SP140: variants seen among roughly 807,000 people sequenced by gnomAD.
The protein encoded by SP140 is SP140 nuclear body protein.
SP140 carries 81 observed loss-of-function variants against 125.0 expected under a neutral mutation model. That is an observed-to-expected ratio of 0.65 (90% CI 0.54 to 0.78). The LOEUF is 0.78. Among genes scored for constraint, SP140 ranks in the 30% least tolerant of loss-of-function variants. SP140 has a pLI of 0.00. For synonymous variants in SP140, 312 were observed against 354.0 expected, an observed-to-expected ratio of 0.88 and a Z score of 1.33; for missense variants, 858 against 1,037.0, an observed-to-expected ratio of 0.83 and a Z score of 2.37.
chr2:230,269,391 A>T (rs543328117), intron 12 of SP140, 141 bp from the exon 13 acceptor site: 1 of 633,946 alleles, frequency 1.6e-6, no homozygotes, highest in African/African-American at 1.8e-5. Context: ...GTCAAATGTG[A>T]TTATTGGAGC....
At chr2:230,291,792 G>A (rs757183686) in intron 19 of SP140, among the ~76,000 whole-genome samples, 2 of 152,132 alleles carry the variant, frequency 1.3e-5, no homozygotes, top group African/African-American at 2.4e-5. Context: ...TGACTACATC[G>A]TATGGTAATT....
At chr2:230,245,155 C>G (rs1251057186) in intron 6 of SP140, 75 bp downstream of exon 6, 2 of 920,726 alleles carry the variant, frequency 2.2e-6, no homozygotes, top group African/African-American at 3.2e-5. Context: ...ACTTCCTTCT[C>G]TCTCCACCAC....
chr2:230,284,320 T>C (rs1356346082), intron 15 of SP140, 26 bp from the exon 16 acceptor site: 1 of 1,580,920 alleles, frequency 6.3e-7, no homozygotes. Flanking sequence ...CTCTGCATAA[T>C]TAACTTTATT....
chr2:230,244,623 A>G (rs1029939375), intron 5 of SP140, among the ~76,000 whole-genome samples: 1 of 152,188 alleles, frequency 6.6e-6, no homozygotes, highest in African/African-American at 2.4e-5. Context: ...GTGGGATGCA[A>G]GAAATCCAGA....
chr2:230,203,181 C>A (rs2043354896), exon 1 of SP140: 1 of 191,234 alleles, frequency 5.2e-6, no homozygotes, highest in Non-Finnish European at 1.1e-5. Flanking sequence ...ATTAAAAAAA[C>A]TGAGAGGGAA....
downstream of SP140, among the ~76,000 whole-genome samples, chr2:230,314,039 C>A (rs946835778): frequency 2.2e-4 from 34 of 152,096 alleles, no homozygotes; most frequent in Non-Finnish European, 4.6e-4. Context: ...GCAAGGAATG[C>A]CTATTACAGG....
intron 1 of SP140, among the ~76,000 whole-genome samples, chr2:230,208,574 T>C (rs2044130888): frequency 6.6e-6 from 1 of 152,158 alleles, no homozygotes; most frequent in African/African-American, 2.4e-5. Context: ...TGATATCTCC[T>C]TATGGTGCAG....
intron 22 of SP140, among the ~76,000 whole-genome samples, chr2:230,307,244 G>A (rs751659584): frequency 1.6e-4 from 24 of 152,304 alleles, no homozygotes; most frequent in East Asian, 3.9e-4. Context: ...TCTACTGCTC[G>A]GTAAAGCTCC....
At chr2:230,300,700 G>A in intron 22 of SP140, among the ~76,000 whole-genome samples, 1 of 152,168 alleles carries the variant, frequency 6.6e-6, no homozygotes, top group East Asian at 1.9e-4. Context: ...ACCCAAGTGA[G>A]AAGGAACCAG....
chr2:230,238,501 CA>C (rs2048285081), intron 3 of SP140, 120 bp downstream of exon 3: 1 of 984,350 alleles, frequency 1.0e-6, no homozygotes, highest in Non-Finnish European at 1.5e-6. Flanking sequence ...ATGCCAAGCC[CA>C]GGGGGAATAT....
At chr2:230,256,668 TAATAAAAAA>T (rs2051266621) in intron 12 of SP140, among the ~76,000 whole-genome samples, 1 of 152,136 alleles carries the variant, frequency 6.6e-6, no homozygotes, top group Admixed American at 6.5e-5. Context: ...ACTTAAAGTA[TAATAAAAAA>T]AATTTCTATT....
At chr2:230,315,642 G>A (rs768555485), downstream of SP140, among the ~76,000 whole-genome samples, 8 of 152,070 alleles carry the variant, frequency 5.3e-5, no homozygotes, top group Non-Finnish European at 1.0e-4. Flanking sequence ...ACTGTCTTAG[G>A]GAAGGCCAAG....
chr2:230,201,735 CTA>C (rs1318519628), upstream of SP140, among the ~76,000 whole-genome samples: 1 of 152,132 alleles, frequency 6.6e-6, no homozygotes, highest in Non-Finnish European at 1.5e-5. Context: ...AACAGCTGTA[CTA>C]TTATAAAATC....
intron 18 of SP140, among the ~76,000 whole-genome samples, chr2:230,288,720 T>C (rs2149468347): frequency 6.6e-6 from 1 of 152,214 alleles, no homozygotes; most frequent in South Asian, 2.1e-4. Context: ...GCATGTGATG[T>C]TTGGTTTTCT....
At chr2:230,242,220 G>T (rs10202244) in intron 4 of SP140, among the ~76,000 whole-genome samples, 20,234 of 151,894 alleles carry the variant, frequency 0.13, 1,501 homozygotes, top group Middle Eastern at 0.22. Context: ...AAAGTAGAGA[G>T]GTACAGAGGC....
At chr2:230,314,388 C>T (rs901653829), downstream of SP140, among the ~76,000 whole-genome samples, 7 of 152,184 alleles carry the variant, frequency 4.6e-5, no homozygotes, top group East Asian at 1.9e-4. Flanking sequence ...GACTGGCCAG[C>T]GTGCATCAGC....
intron 3 of SP140, among the ~76,000 whole-genome samples, chr2:230,218,939 A>C (rs1000513948): frequency 6.6e-6 from 1 of 152,206 alleles, no homozygotes; most frequent in African/African-American, 2.4e-5. Context: ...GAAAGCATAA[A>C]GAAGGCCAGG....
At chr2:230,311,845 A>T (rs2059358116) in intron 26 of SP140, among the ~76,000 whole-genome samples, 1 of 152,236 alleles carries the variant, frequency 6.6e-6, no homozygotes, top group African/African-American at 2.4e-5. Context: ...AGGAGACAGG[A>T]GCTCAGAGAG....
At chr2:230,202,731 G>A (rs200606484), upstream of SP140, 10 of 1,613,894 alleles carry the variant, frequency 6.2e-6, no homozygotes, top group Non-Finnish European at 8.5e-6. Context: ...GGCTGTCCCT[G>A]GACCAAATAA....
Sources: allele counts gnomAD v4.1 joint callset (sites outside exome capture counted in the v4.1 genomes callset), GRCh38; gene constraint gnomAD v4.1.1; transcripts MANE v1.5; gene names NCBI Gene and HGNC (gene_info 2026-07-23, HGNC 2026-07-21).